Variants in OPCML observed in about 807,000 individuals in gnomAD.
OPCML encodes opioid binding protein/cell adhesion molecule like.
In OPCML, 13 loss-of-function variants were observed where a neutral mutation model predicts 37.8. The ratio of observed to expected loss-of-function variants is 0.34; its 90% CI spans 0.22 to 0.55. The LOEUF (loss-of-function observed/expected upper bound fraction) is 0.55, where lower values mean the gene tolerates loss of function less well. OPCML is among the 20% of genes least tolerant of loss of function. The pLI is 0.91. For missense variants in OPCML, 341 were observed against 435.6 expected (o/e 0.78, Z 1.93); for synonymous variants, 176 against 168.8 (o/e 1.04, Z -0.33).
intron 3 of OPCML, among the ~76,000 whole-genome samples, chr11:132,592,871 A>G (rs2096486745): frequency 6.6e-6 from 1 of 152,222 alleles, no homozygotes; most frequent in Non-Finnish European, 1.5e-5. Flanking sequence ...ATAATTGCTC[A>G]TTTATTCATC....
intron 2 of OPCML, among the ~76,000 whole-genome samples, chr11:132,890,033 G>T (rs1049833106): frequency 1.3e-5 from 2 of 152,200 alleles, no homozygotes; most frequent in South Asian, 2.1e-4. Flanking sequence ...GATTCTGGAT[G>T]AAGCTTCCAT....
intron 2 of OPCML, among the ~76,000 whole-genome samples, chr11:132,885,737 T>C (rs1402990588): frequency 3.9e-5 from 6 of 152,174 alleles, no homozygotes; most frequent in Admixed American, 3.9e-4. Context: ...TTCATCATCT[T>C]GGAAGCATTA....
chr11:132,898,724 G>GCTTCCTTT (rs1290607901), intron 2 of OPCML, among the ~76,000 whole-genome samples: 1 of 152,120 alleles, frequency 6.6e-6, no homozygotes, highest in Non-Finnish European at 1.5e-5. Flanking sequence ...CAAAGGTTTT[G>GCTTCCTTT]CTTCCTTTTC....
chr11:132,706,824 G>A (rs192274447), intron 2 of OPCML, among the ~76,000 whole-genome samples: 1 of 152,276 alleles, frequency 6.6e-6, no homozygotes, highest in Admixed American at 6.5e-5. Context: ...TTATTTGTTT[G>A]AGTTGTACAT....
chr11:133,119,322 T>C (rs560170954), intron 1 of OPCML, among the ~76,000 whole-genome samples: 29 of 152,174 alleles, frequency 1.9e-4, no homozygotes, highest in Non-Finnish European at 3.8e-4. Context: ...TAGTATATAA[T>C]ATCTATATCT....
intron 2 of OPCML, among the ~76,000 whole-genome samples, chr11:132,765,813 T>A (rs993128750): frequency 7.2e-5 from 11 of 152,190 alleles, no homozygotes. Context: ...AGCACCTTGA[T>A]CTTGGTTCCT....
intron 1 of OPCML, among the ~76,000 whole-genome samples, chr11:133,473,986 G>T (rs1947177803): frequency 6.6e-6 from 1 of 152,132 alleles, no homozygotes; most frequent in Non-Finnish European, 1.5e-5. Context: ...AGCTAAAAAG[G>T]GTTAAAGCAA....
chr11:133,250,679 T>G (rs1166881936), intron 1 of OPCML, among the ~76,000 whole-genome samples: 1 of 152,198 alleles, frequency 6.6e-6, no homozygotes, highest in Non-Finnish European at 1.5e-5. Context: ...TTAGCTGTAT[T>G]AGACTGAAAG....
chr11:132,506,389 C>A (rs555939231), intron 4 of OPCML, among the ~76,000 whole-genome samples: 4 of 152,178 alleles, frequency 2.6e-5, no homozygotes, highest in African/African-American at 9.6e-5. Context: ...GAAATGTATT[C>A]CAATGAACTT....
chr11:132,560,845 T>A (rs770157087), intron 3 of OPCML, among the ~76,000 whole-genome samples: 7 of 152,178 alleles, frequency 4.6e-5, no homozygotes, highest in Non-Finnish European at 1.0e-4. Flanking sequence ...ATTGTGAAGA[T>A]TTTCTCCCAC....
chr11:132,816,212 T>C (rs1465983659), intron 2 of OPCML, among the ~76,000 whole-genome samples: 2 of 152,200 alleles, frequency 1.3e-5, no homozygotes, highest in East Asian at 1.9e-4. Flanking sequence ...AACATGATCA[T>C]AGACAAGCAG....
intron 1 of OPCML, chr11:133,025,466 C>T (rs1050143563): frequency 2.5e-5 from 25 of 985,348 alleles, no homozygotes; most frequent in Non-Finnish European, 3.0e-5. Context: ...ACTTTATAAC[C>T]CTTAACTATT....
chr11:133,315,490 T>C (rs1300261977), intron 1 of OPCML, among the ~76,000 whole-genome samples: 3 of 152,204 alleles, frequency 2.0e-5, no homozygotes, highest in African/African-American at 4.8e-5. Flanking sequence ...AGGCCATTGC[T>C]AGAATAAGCA....
At chr11:133,267,061 AG>A (rs1423279151) in intron 1 of OPCML, among the ~76,000 whole-genome samples, 1 of 152,172 alleles carries the variant, frequency 6.6e-6, no homozygotes, top group African/African-American at 2.4e-5. Context: ...GCAGATAAAT[AG>A]TTGTTTGTTT....
chr11:133,034,911 G>A (rs560361310), intron 1 of OPCML, among the ~76,000 whole-genome samples: 29 of 151,966 alleles, frequency 1.9e-4, no homozygotes, highest in African/African-American at 3.6e-4. Flanking sequence ...CACGGGCACC[G>A]GCAGAGACAT....
intron 5 of OPCML, 41 bp downstream of exon 5, chr11:132,437,181 C>A (rs758798223): frequency 6.2e-7 from 1 of 1,602,870 alleles, no homozygotes; most frequent in East Asian, 2.2e-5. Context: ...ACTCCCTGTG[C>A]CGTCTTTTCC....
intron 1 of OPCML, among the ~76,000 whole-genome samples, chr11:133,248,738 A>C (rs1402695654): frequency 6.6e-6 from 1 of 152,176 alleles, no homozygotes; most frequent in Non-Finnish European, 1.5e-5. Flanking sequence ...GGGCATAATT[A>C]AAGGGCTGGA....
rs190262355 is a variant in OPCML, at chr11:133,527,172, G to A, written c.61+5092C>T. ...GCCCATAGGCCAAAGGCTATTAGAT[G>A]GGGCTCCTGGAGTTCCAGCTGTCCA... On this transcript the variant is annotated intron_variant, in intron 1 of 7. Coordinates refer to ENST00000524381, the MANE Select transcript of OPCML (RefSeq NM_001012393.5). Among the ~76,000 whole-genome samples the A allele has an allele frequency of 3.0e-3, 460 of 152,324 alleles. 2 individuals carry two copies. Among genetic ancestry groups the A allele is most frequent in the Non-Finnish European group, 4.8e-3 (325 of 68,026 alleles).
chr11:132,434,007 CT>C (rs1354987959), intron 7 of OPCML, among the ~76,000 whole-genome samples: 2 of 152,198 alleles, frequency 1.3e-5, no homozygotes, highest in African/African-American at 4.8e-5. Flanking sequence ...CATGACACAC[CT>C]CTTTCTTAGT....
Sources: allele counts gnomAD v4.1 joint callset (sites outside exome capture counted in the v4.1 genomes callset), GRCh38; gene constraint gnomAD v4.1.1; transcripts MANE v1.5; gene names NCBI Gene and HGNC (gene_info 2026-07-23, HGNC 2026-07-21).